The following CFH variants were observed in gnomAD, a reference collection of about 807,000 sequenced individuals.
CFH encodes complement factor H, also known as H factor 1 (complement).
Under a neutral mutation model 147.3 loss-of-function variants are expected in CFH, and 53 were observed. That is an observed-to-expected ratio of 0.36 (90% CI 0.29 to 0.45). CFH has a LOEUF of 0.45. Among genes scored for constraint, CFH ranks in the 20% least tolerant of loss-of-function variants. The pLI is 1.00. For missense variants in CFH, 1,380 were observed against 1,498.0 expected, an observed-to-expected ratio of 0.92 and a Z score of 1.30; for synonymous variants, 536 against 489.4, an observed-to-expected ratio of 1.10 and a Z score of -1.26.
At chr1:196,667,047 TCTA>T (rs1382603493) in intron 1 of CFH, among the ~76,000 whole-genome samples, 1 of 152,182 alleles carries the variant, frequency 6.6e-6, no homozygotes, top group Non-Finnish European at 1.5e-5. Flanking sequence ...TCCTTATTTT[TCTA>T]TTTCTTTTCT....
chr1:196,699,138 G>A (rs542550997), intron 9 of CFH, among the ~76,000 whole-genome samples: 25 of 152,190 alleles, frequency 1.6e-4, no homozygotes, highest in African/African-American at 6.0e-4. Flanking sequence ...TAGACAAACT[G>A]TTTTCCTGAG....
intron 9 of CFH, among the ~76,000 whole-genome samples, chr1:196,706,056 A>G (rs1398083210): frequency 1.3e-5 from 2 of 152,064 alleles, no homozygotes; most frequent in African/African-American, 4.8e-5. Context: ...CACGGACAAC[A>G]GAAGGCTGAG....
chr1:196,719,770 T>C (rs1325290650), intron 11 of CFH, among the ~76,000 whole-genome samples: 1 of 151,658 alleles, frequency 6.6e-6, no homozygotes, highest in Non-Finnish European at 1.5e-5. Flanking sequence ...ATTATCAAAT[T>C]TATTAAACAT....
chr1:196,726,127 ATGCT>A (rs1203369884), intron 12 of CFH, among the ~76,000 whole-genome samples: 1 of 152,170 alleles, frequency 6.6e-6, no homozygotes, highest in Non-Finnish European at 1.5e-5. Flanking sequence ...TGTTGATCAA[ATGCT>A]TGCCTCAGTT....
In CFH at chr1:196,717,319, G is replaced by A. The variant is rs544060116; in HGVS notation, c.1696+1550G>A. On this transcript the variant is annotated intron_variant, in intron 11 of 21. Coordinates refer to ENST00000367429, the MANE Select transcript of CFH (RefSeq NM_000186.4). ...TACAAACAGTTCTAATATTTCAAAG[G>A]ATTGTGTTAGTTAGCAGACTAAAAT... Among the ~76,000 whole-genome samples, 111 of 152,166 alleles carry A rather than the reference G, an allele frequency of 7.3e-4. 1 individual carries two copies. Among genetic ancestry groups the A allele is most frequent in the African/African-American group, 2.6e-3 (106 of 41,538 alleles).
chr1:196,739,514 C>T (rs1652729530), intron 17 of CFH, among the ~76,000 whole-genome samples: 1 of 152,118 alleles, frequency 6.6e-6, no homozygotes, highest in Non-Finnish European at 1.5e-5. Context: ...GCAGGAGTGA[C>T]CTTTACTCCA....
chr1:196,700,900 T>A, intron 9 of CFH: 9 of 981,088 alleles, frequency 9.2e-6, no homozygotes, highest in Non-Finnish European at 1.1e-5. Flanking sequence ...AAGTCTCAGG[T>A]GAGTTTTCTC....
chr1:196,738,564 C>T (rs751712480), intron 17 of CFH, among the ~76,000 whole-genome samples: 2 of 152,164 alleles, frequency 1.3e-5, no homozygotes, highest in Non-Finnish European at 2.9e-5. Context: ...ATAGGGCAGT[C>T]ATTAAACCTT....
intron 7 of CFH, among the ~76,000 whole-genome samples, chr1:196,687,100 T>C (rs1667854796): frequency 6.6e-6 from 1 of 152,228 alleles, no homozygotes; most frequent in Non-Finnish European, 1.5e-5. Flanking sequence ...AATTTAACAA[T>C]GTTGACTCTA....
intron 1 of CFH, among the ~76,000 whole-genome samples, chr1:196,656,417 G>A (rs1666693542): frequency 6.6e-6 from 1 of 152,056 alleles, no homozygotes; most frequent in South Asian, 2.1e-4. Context: ...TAGGTCAGAT[G>A]TACAATGGAA....
Position 196,725,250 on chromosome 1 carries a change from T to C in CFH, c.1826T>C (p.Val609Ala), listed in dbSNP as rs1669108889. 3 of 1,613,968 alleles carry C rather than the reference T, an allele frequency of 1.9e-6. No homozygotes were observed. The highest frequency in any genetic ancestry group is 2.2e-5 in the South Asian group (2 of 91,082). Residue 609 changes from valine to alanine, a missense_variant, in exon 12 of 22, where the codon GTT becomes GCT. Transcript: ENST00000367429. The stretch of plus-strand genomic sequence containing the variant: ...TTTACAATAGTTGGACCTAATTCCG[T>C]TCAGTGCTACCACTTTGGATTGTCT... ...PGFTIVGPNS[V>A]QCYHFGLSPD...
rs113491226 is a variant in CFH at position 196,696,064 on chromosome 1, C to G, written c.1336+5825C>G. ...GTCCATCCTAGACAGATCAACGAGACAGAAAATTAACAAAGATATTCCCAA... is the reference window on the plus strand; with the variant it reads ...GTCCATCCTAGACAGATCAACGAGAGAGAAAATTAACAAAGATATTCCCAA... On this transcript the variant is annotated intron_variant, in intron 9 of 21. Coordinates refer to ENST00000367429, the MANE Select transcript of CFH (RefSeq NM_000186.4). Among the ~76,000 whole-genome samples the G allele has an allele frequency of 6.9e-3, 1,050 of 152,174 alleles. 8 individuals are homozygous for G. The highest frequency in any genetic ancestry group is 0.023 in the African/African-American group (975 of 41,532).
chr1:196,732,445 G>A (rs1426769620), intron 15 of CFH, among the ~76,000 whole-genome samples: 2 of 151,870 alleles, frequency 1.3e-5, no homozygotes, highest in Non-Finnish European at 2.9e-5. Flanking sequence ...ATTCTTTCTT[G>A]AGTAAAACAC....
chr1:196,735,754 T>C (rs549800576), intron 15 of CFH, among the ~76,000 whole-genome samples: 1 of 152,186 alleles, frequency 6.6e-6, no homozygotes, highest in South Asian at 2.1e-4. Context: ...GTTAAAAACA[T>C]GTCAAAATAT....
At chr1:196,682,833 A>T (rs934782328) in intron 6 of CFH, among the ~76,000 whole-genome samples, 1 of 151,690 alleles carries the variant, frequency 6.6e-6, no homozygotes, top group African/African-American at 2.4e-5. Flanking sequence ...AATTATTGCT[A>T]ATCTAAATAT....
At chr1:196,688,475 CT>C in intron 7 of CFH, among the ~76,000 whole-genome samples, 1 of 152,074 alleles carries the variant, frequency 6.6e-6, no homozygotes, top group South Asian at 2.1e-4. Context: ...GACTGGAGAA[CT>C]TGGCTTAATG....
chr1:196,737,447 A>C, intron 16 of CFH, 28 bp from the exon 17 acceptor site: 5 of 1,505,998 alleles, frequency 3.3e-6, no homozygotes, highest in African/African-American at 1.4e-5. Context: ...ATTTGTTTTT[A>C]ACCCTTTGAT....
chr1:196,703,982 C>CA (rs386369224), intron 9 of CFH, among the ~76,000 whole-genome samples: 3,095 of 60,452 alleles, frequency 0.051, 345 homozygotes, highest in African/African-American at 0.12. Flanking sequence ...AAGACTCTGT[C>CA]AAAAAAAAAA....
intron 9 of CFH, among the ~76,000 whole-genome samples, chr1:196,703,770 G>T (rs1423270853): frequency 6.6e-6 from 1 of 151,886 alleles, no homozygotes; most frequent in East Asian, 2.0e-4. Context: ...AGATCACAAG[G>T]TCAGGAGATC....
Sources: allele counts gnomAD v4.1 joint callset (sites outside exome capture counted in the v4.1 genomes callset), GRCh38; gene constraint gnomAD v4.1.1; transcripts MANE v1.5; gene names NCBI Gene and HGNC (gene_info 2026-07-23, HGNC 2026-07-21).